Variants in DOCK4 observed in about 807,000 individuals in gnomAD.
DOCK4 encodes the protein dedicator of cytokinesis protein 4.
DOCK4 carries 97 observed loss-of-function variants against 268.1 expected under a neutral mutation model. That is an observed-to-expected ratio of 0.36 (90% CI 0.31 to 0.43). The LOEUF (loss-of-function observed/expected upper bound fraction) is 0.43, where lower values mean the gene tolerates loss of function less well. Ranked by LOEUF, DOCK4 falls within the 20% of genes least tolerant of loss-of-function variation. The pLI is 1.00. For missense variants in DOCK4, 2,145 were observed against 2,455.7 expected, an observed-to-expected ratio of 0.87 and a Z score of 2.67; for synonymous variants, 954 against 887.2, an observed-to-expected ratio of 1.08 and a Z score of -1.34.
At chr7:112,194,845 T>A (rs1820274588) in intron 1 of DOCK4, among the ~76,000 whole-genome samples, 1 of 152,236 alleles carries the variant, frequency 6.6e-6, no homozygotes, top group African/African-American at 2.4e-5. Context: ...CAATAATTTC[T>A]ACATAGTGTA....
In DOCK4 at chr7:111,769,685, T is replaced by A; in HGVS notation, c.3680-8A>T. 1.2e-6 allele frequency: 2 copies of A among 1,612,380 alleles called. No individual in the cohort carries two copies. Among genetic ancestry groups the A allele is most frequent in the Admixed American group, 1.7e-5 (1 of 59,852 alleles). On this transcript the variant is annotated splice_polypyrimidine_tract_variant and splice_region_variant and intron_variant, in intron 36 of 52. Coordinates refer to ENST00000428084, the MANE Select transcript of DOCK4 (RefSeq NM_001363540.2). ...GGAGGGTATATGCAGCTTCTGCAAGTCACGTGAGAAGACAATGATTGAGAC... is the reference window on the plus strand; with the variant it reads ...GGAGGGTATATGCAGCTTCTGCAAGACACGTGAGAAGACAATGATTGAGAC...
chr7:111,784,558 C>G (rs964105517), intron 32 of DOCK4: 4 of 438,456 alleles, frequency 9.1e-6, no homozygotes, highest in African/African-American at 8.1e-5. Flanking sequence ...CATTTTGTCA[C>G]TAATCACAGA....
At chr7:111,865,397 G>C (rs1210053486) in intron 22 of DOCK4, among the ~76,000 whole-genome samples, 1 of 152,238 alleles carries the variant, frequency 6.6e-6, no homozygotes, top group African/African-American at 2.4e-5. Context: ...GGACTGTGGT[G>C]ATGGCCTCTA....
At chr7:112,066,709 A>G (rs184193658) in intron 1 of DOCK4, among the ~76,000 whole-genome samples, 9,347 of 77,668 alleles carry the variant, frequency 0.12, 1,102 homozygotes, top group East Asian at 0.42. Flanking sequence ...ATATATATAT[A>G]TATATATATA....
At chr7:111,743,437 A>G (rs894694508) in intron 44 of DOCK4, among the ~76,000 whole-genome samples, 5 of 152,198 alleles carry the variant, frequency 3.3e-5, no homozygotes, top group African/African-American at 4.8e-5. Flanking sequence ...GCATATTTGC[A>G]TAACAAATAT....
At chr7:111,909,689 G>GT (rs1666893084) in intron 13 of DOCK4, among the ~76,000 whole-genome samples, 2 of 152,202 alleles carry the variant, frequency 1.3e-5, no homozygotes, top group African/African-American at 4.8e-5. Context: ...GATGGGCATG[G>GT]TGGCCCATGC....
rs112001909 is a variant in DOCK4, at chr7:112,168,467, G to A, written c.37+37635C>T. 5.6e-4 allele frequency among the ~76,000 whole-genome samples: 85 copies of A among 152,310 alleles called. 1 individual carries two copies. The highest frequency in any genetic ancestry group is 1.9e-3 in the African/African-American group (77 of 41,574). Reference sequence around the variant, plus strand: ...CACAGTGGTAATCTCAGCACTCTGGGATGCCAAAGTGGGAGGACTGCTTGA... The same window carrying A: ...CACAGTGGTAATCTCAGCACTCTGGAATGCCAAAGTGGGAGGACTGCTTGA... On this transcript the variant is annotated intron_variant, in intron 1 of 52. Coordinates refer to ENST00000428084, the MANE Select transcript of DOCK4 (RefSeq NM_001363540.2).
At chr7:111,802,336 C>T (rs1351458993) in intron 30 of DOCK4, among the ~76,000 whole-genome samples, 1 of 152,176 alleles carries the variant, frequency 6.6e-6, no homozygotes, top group Non-Finnish European at 1.5e-5. Context: ...TCTTCCATAA[C>T]CCTGCCTCAT....
chr7:112,060,086 T>C (rs1168745606), intron 1 of DOCK4, among the ~76,000 whole-genome samples: 1 of 152,350 alleles, frequency 6.6e-6, no homozygotes, highest in East Asian at 1.9e-4. Flanking sequence ...CACTTTATAC[T>C]TAGGGCTGCC....
intron 16 of DOCK4, among the ~76,000 whole-genome samples, chr7:111,894,225 A>G (rs915454341): frequency 1.3e-5 from 2 of 151,642 alleles, no homozygotes; most frequent in African/African-American, 2.4e-5. Context: ...CCATCTCAAA[A>G]AAAAAAAGAA....
chr7:111,922,142 G>A (rs924360925), intron 12 of DOCK4, among the ~76,000 whole-genome samples: 1 of 152,196 alleles, frequency 6.6e-6, no homozygotes. Context: ...TCAACGCTCT[G>A]AACAAGTGAC....
chr7:111,782,268 C>T (rs759975426), intron 35 of DOCK4, among the ~76,000 whole-genome samples: 2 of 152,136 alleles, frequency 1.3e-5, no homozygotes, highest in Admixed American at 6.6e-5. Flanking sequence ...GTTATCCTTA[C>T]AGAATGTTTA....
At chr7:111,980,158 A>T (rs895425108) in intron 7 of DOCK4, among the ~76,000 whole-genome samples, 42 of 151,928 alleles carry the variant, frequency 2.8e-4, no homozygotes, top group African/African-American at 9.4e-4. Flanking sequence ...AGCCTGCCTG[A>T]CTCTACCCTT....
chr7:111,751,590 G>A (rs1384207994), intron 42 of DOCK4, among the ~76,000 whole-genome samples: 2 of 152,016 alleles, frequency 1.3e-5, no homozygotes, highest in Non-Finnish European at 2.9e-5. Flanking sequence ...GATTACAGGC[G>A]TGATCCACCA....
chr7:111,997,097 A>G (rs146088919), intron 4 of DOCK4, among the ~76,000 whole-genome samples: 1 of 152,350 alleles, frequency 6.6e-6, no homozygotes, highest in East Asian at 1.9e-4. Context: ...CCAGATCACT[A>G]GCACAGAAGG....
chr7:111,999,693 T>C (rs942447086), intron 3 of DOCK4, among the ~76,000 whole-genome samples: 1 of 151,542 alleles, frequency 6.6e-6, no homozygotes, highest in African/African-American at 2.4e-5. Context: ...ATCCAGAAAA[T>C]GGCATATTTA....
intron 27 of DOCK4, among the ~76,000 whole-genome samples, chr7:111,818,587 C>T (rs1445839909): frequency 6.6e-6 from 1 of 152,224 alleles, no homozygotes; most frequent in Non-Finnish European, 1.5e-5. Flanking sequence ...TCCGCCCGTC[C>T]AAGTCATCAT....
At position 111,728,287 on chromosome 7, in the gene DOCK4, A is replaced by C; in HGVS notation, c.5915T>G (p.Val1972Gly). Reference sequence around the variant, plus strand: ...TAGAAAAGTGACTTATAACTGAGAGACCTTGCGGGGCAGGGGCCTGGGCCG... The same window carrying C: ...TAGAAAAGTGACTTATAACTGAGAGCCCTTGCGGGGCAGGGGCCTGGGCCG... ...GPRPRPLPRK[V>G]SQL The change falls in exon 53 of 53, where the codon GTC becomes GGC. Residue 1972 changes from valine to glycine, a missense_variant. By Grantham distance (109) the Val-to-Gly change is moderately radical. This residue lies in a region of DOCK4 where 547 missense variants were observed against 469.0 expected (regional missense o/e 1.17). Coordinates refer to ENST00000428084, the MANE Select transcript of DOCK4 (RefSeq NM_001363540.2). 1 of 1,497,304 alleles carries C rather than the reference A, an allele frequency of 6.7e-7. No individual in the cohort carries two copies. The allele number at this position is 1,497,304 out of a possible 1,614,324, so 92.8% of individuals were successfully genotyped here. A position where few individuals can be genotyped will look rare whatever the true frequency, so the allele number is the denominator to read the frequency against.
intron 1 of DOCK4, among the ~76,000 whole-genome samples, chr7:112,123,262 T>C (rs1812906055): frequency 6.6e-6 from 1 of 152,148 alleles, no homozygotes; most frequent in Non-Finnish European, 1.5e-5. Context: ...GATAAAGAAC[T>C]TTAACTTCAT....
Sources: allele counts gnomAD v4.1 joint callset (sites outside exome capture counted in the v4.1 genomes callset), GRCh38; gene constraint gnomAD v4.1.1; regional missense constraint gnomAD v4.1.1; transcripts MANE v1.5; gene names NCBI Gene and HGNC (gene_info 2026-07-23, HGNC 2026-07-21).